Variants in INSR observed in about 807,000 individuals in gnomAD.
INSR encodes IR.
In INSR, 67 loss-of-function variants were observed where a neutral mutation model predicts 142.6. The observed-to-expected ratio is 0.47, with a 90% CI of 0.39 to 0.58. INSR has a LOEUF of 0.58. INSR is among the 20% of genes least tolerant of loss of function. INSR has a pLI of 0.00. For synonymous variants in INSR, 756 were observed against 743.1 expected (o/e 1.02, Z -0.28); for missense variants, 1,248 against 1,833.2 (o/e 0.68, Z 5.83).
rs1312851628 is a variant in INSR, at chr19:7,226,000, C to T, written c.652+41345G>A. 1.3e-5 allele frequency among the ~76,000 whole-genome samples: 2 copies of T among 152,202 alleles called. No individual in the cohort carries two copies. The highest frequency in any genetic ancestry group is 2.9e-5 in the Non-Finnish European group (2 of 68,040). On this transcript the variant is annotated intron_variant, in intron 2 of 21. Transcript: ENST00000302850. The surrounding 1 kb of genome is among the most constrained non-coding windows in gnomAD (Gnocchi z 4.7). ...CCCCGTCCCGGAATGAGAAGCCCCT[C>T]TCCTCCACCACATCAAAGCCAAGAT...
chr19:7,248,516 C>T (rs1976604509), intron 2 of INSR, among the ~76,000 whole-genome samples: 1 of 138,428 alleles, frequency 7.2e-6, no homozygotes, highest in Non-Finnish European at 1.6e-5. Context: ...AAAGCATGAC[C>T]CTCAACATAC....
chr19:7,169,554 G>A (rs866724823), intron 6 of INSR, among the ~76,000 whole-genome samples: 7 of 141,476 alleles, frequency 4.9e-5, no homozygotes, highest in Admixed American at 1.5e-4. Flanking sequence ...CCAGCCCTGG[G>A]TGACAGAGCA....
chr19:7,122,552 T>C, intron 19 of INSR, 62 bp downstream of exon 19: 1 of 1,576,696 alleles, frequency 6.3e-7, no homozygotes, highest in Non-Finnish European at 8.7e-7. Context: ...TATAGACAAC[T>C]TCCTTCTGAA....
intron 2 of INSR, among the ~76,000 whole-genome samples, chr19:7,223,540 G>C (rs1975685570): frequency 6.6e-6 from 1 of 152,182 alleles, no homozygotes; most frequent in Non-Finnish European, 1.5e-5. Flanking sequence ...GGTCACCCTA[G>C]TGACCCAATT....
At chr19:7,277,304 G>C (rs916424847) in intron 1 of INSR, among the ~76,000 whole-genome samples, 1 of 151,766 alleles carries the variant, frequency 6.6e-6, no homozygotes, top group Non-Finnish European at 1.5e-5. Flanking sequence ...GACCCGGCAA[G>C]TCAGCTACAT....
chr19:7,231,925 A>G (rs541403472), intron 2 of INSR, among the ~76,000 whole-genome samples: 2 of 152,036 alleles, frequency 1.3e-5, no homozygotes, highest in South Asian at 4.1e-4. Context: ...CTTCTCAAAC[A>G]ATACTCTTCT....
At chr19:7,152,283 T>C in intron 10 of INSR, 1 of 272,714 alleles carries the variant, frequency 3.7e-6, no homozygotes, top group Non-Finnish European at 7.1e-6. Flanking sequence ...CCCAGCTACT[T>C]GGGAGGCTGA....
chr19:7,119,679 CGCAAACACACAT>C lies in INSR; in HGVS notation c.3660-108_3660-97del. The C allele has an allele frequency of 7.3e-7, 1 of 1,363,522 alleles. No individual in the cohort carries two copies. The highest frequency in any genetic ancestry group is 1.0e-6 in the Non-Finnish European group (1 of 968,836). The allele number at this position is 1,363,522 out of a possible 1,614,324, so 84.5% of individuals were successfully genotyped here. A position where few individuals can be genotyped will look rare whatever the true frequency, so the allele number is the denominator to read the frequency against. On this transcript the variant is annotated intron_variant, in intron 20 of 21. Coordinates refer to ENST00000302850, the MANE Select transcript of INSR (RefSeq NM_000208.4). The surrounding 1 kb of genome is among the most constrained non-coding windows in gnomAD (Gnocchi z 5.2). The stretch of plus-strand genomic sequence containing the variant: ...ACACACACGCAAACGCACACACACA[CGCAAACACACAT>C]GCCAACACATACATGCAAACACACA...
At chr19:7,154,363 C>T (rs1445099835) in intron 9 of INSR, among the ~76,000 whole-genome samples, 70 of 127,638 alleles carry the variant, frequency 5.5e-4, no homozygotes, top group South Asian at 1.1e-3. Context: ...AGTGCAGTGG[C>T]GCGATCTTGG....
chr19:7,292,918 C>G lies in INSR; in HGVS notation c.100+874G>C, dbSNP rs1201654785. ...GAGGAGGGGTCAAGGAGACAGCAGA[C>G]AAGGGACAGTAGTCCAGATTCTTGG... is the stretch of plus-strand genomic sequence containing the variant. On this transcript the variant is annotated intron_variant, in intron 1 of 21. Coordinates refer to ENST00000302850, the MANE Select transcript of INSR (RefSeq NM_000208.4). Among the ~76,000 whole-genome samples, 2 of 152,104 alleles carry G rather than the reference C, an allele frequency of 1.3e-5. 1 individual carries two copies. Among genetic ancestry groups the G allele is most frequent in the African/African-American group, 4.8e-5 (2 of 41,422 alleles).
At chr19:7,293,736 T>A in intron 1 of INSR, 56 bp downstream of exon 1, 2 of 1,266,612 alleles carry the variant, frequency 1.6e-6, no homozygotes, top group Non-Finnish European at 2.0e-6. Context: ...TTGGCTTGGG[T>A]GGGGTCCTCT....
At position 7,159,050 on chromosome 19, in the gene INSR, C is replaced by G. The variant is rs1973685497; in HGVS notation, c.2029+3982G>C. ...CCTGAGTAGCTGGGATTACAGGCAC[C>G]CACCACCACACCCAACTAATTTTTG... On this transcript the variant is annotated intron_variant, in intron 9 of 21. Transcript: ENST00000302850. This position sits in a 1 kb window ranked among gnomAD's most constrained non-coding sequence, Gnocchi z 4.3. 6.6e-6 allele frequency among the ~76,000 whole-genome samples: 1 copy of G among 151,954 alleles called. No homozygotes were observed. Among genetic ancestry groups the G allele is most frequent in the Admixed American group, 6.6e-5 (1 of 15,234 alleles).
chr19:7,201,664 A>ATATT (rs1974957214), intron 2 of INSR, among the ~76,000 whole-genome samples: 5 of 102,118 alleles, frequency 4.9e-5, no homozygotes, highest in African/African-American at 2.4e-4. Context: ...ATCTATTTTC[A>ATATT]TTCTTTTTTT....
chr19:7,187,464 A>G (rs1974460579), intron 2 of INSR, among the ~76,000 whole-genome samples: 1 of 152,178 alleles, frequency 6.6e-6, no homozygotes, highest in South Asian at 2.1e-4. Flanking sequence ...ACTGCATTTC[A>G]TTTTAATTTC....
At chr19:7,221,404 G>A (rs375930824) in intron 2 of INSR, among the ~76,000 whole-genome samples, 1 of 124,920 alleles carries the variant, frequency 8.0e-6, no homozygotes, top group Non-Finnish European at 1.7e-5. Context: ...AGGAGGAGGA[G>A]GAAAGAAGAA....
chr19:7,181,374 T>C (rs1183398200), intron 3 of INSR, among the ~76,000 whole-genome samples: 1 of 151,990 alleles, frequency 6.6e-6, no homozygotes, highest in African/African-American at 2.4e-5. Flanking sequence ...GACCTCAGCT[T>C]AATAGGAAGA....
chr19:7,169,170 G>T (rs6510954), intron 6 of INSR, among the ~76,000 whole-genome samples: 1 of 151,792 alleles, frequency 6.6e-6, no homozygotes, highest in Non-Finnish European at 1.5e-5. Context: ...TCTCTTTCTG[G>T]GTTTGGCCAA....
At chr19:7,174,803 C>T in intron 3 of INSR, 72 bp from the exon 4 acceptor site, 1 of 1,428,240 alleles carries the variant, frequency 7.0e-7, no homozygotes, top group Non-Finnish European at 9.7e-7. Flanking sequence ...GTCCTTCAGA[C>T]ATCTCAGGCA....
intron 17 of INSR, among the ~76,000 whole-genome samples, chr19:7,124,800 C>A (rs1972605935): frequency 6.7e-6 from 1 of 150,040 alleles, no homozygotes; most frequent in Non-Finnish European, 1.5e-5. Context: ...CAAAGAGGAA[C>A]AAAGGAGCAG....
Sources: allele counts gnomAD v4.1 joint callset (sites outside exome capture counted in the v4.1 genomes callset), GRCh38; gene constraint gnomAD v4.1.1; non-coding constraint Gnocchi (gnomAD v3.1); transcripts MANE v1.5; gene names NCBI Gene and HGNC (gene_info 2026-07-23, HGNC 2026-07-21).